Variants in EML1 observed in about 807,000 individuals in gnomAD.
EML1 encodes EMAP like 1, also known as echinoderm microtubule-associated protein-like 1.
Under a neutral mutation model 110.4 loss-of-function variants are expected in EML1, and 27 were observed. The observed-to-expected ratio is 0.24, with a 90% CI of 0.18 to 0.34. EML1 has a LOEUF of 0.34. EML1 is among the 10% of genes least tolerant of loss of function. EML1 has a pLI of 1.00. For synonymous variants in EML1, 344 were observed against 385.8 expected (o/e 0.89, Z 1.27); for missense variants, 741 against 1,030.9 (o/e 0.72, Z 3.85).
chr14:99,835,648 T>C (rs898203239), intron 1 of EML1, among the ~76,000 whole-genome samples: 1 of 152,254 alleles, frequency 6.6e-6, no homozygotes, highest in Admixed American at 6.5e-5. Context: ...AATTTTGATA[T>C]GCTGTGTTTT....
At chr14:99,801,960 T>G (rs1215627833) in intron 1 of EML1, among the ~76,000 whole-genome samples, 1 of 152,190 alleles carries the variant, frequency 6.6e-6, no homozygotes, top group East Asian at 1.9e-4. Flanking sequence ...GAGCTAAACA[T>G]CCAGTGTTAT....
chr14:99,916,152 C>G (rs1167649710), intron 15 of EML1, among the ~76,000 whole-genome samples: 2 of 152,256 alleles, frequency 1.3e-5, no homozygotes, highest in Admixed American at 6.5e-5. Flanking sequence ...GGTTGGAGCT[C>G]TAAGCTGGAA....
At chr14:99,741,562 C>A (rs2057042499) in intron 1 of EML1, among the ~76,000 whole-genome samples, 1 of 152,104 alleles carries the variant, frequency 6.6e-6, no homozygotes, top group South Asian at 2.1e-4. Flanking sequence ...AGTGGGGCCA[C>A]CCAACTGCTC....
intron 1 of EML1, among the ~76,000 whole-genome samples, chr14:99,739,878 C>T (rs1167935656): frequency 6.6e-6 from 1 of 152,076 alleles, no homozygotes; most frequent in South Asian, 2.1e-4. Flanking sequence ...CAAGCCGTGT[C>T]GGCAGTGGGA....
chr14:99,895,916 C>T (rs1303325672), intron 6 of EML1, among the ~76,000 whole-genome samples: 1 of 151,994 alleles, frequency 6.6e-6, no homozygotes, highest in East Asian at 1.9e-4. Flanking sequence ...ATCAAAAAGG[C>T]TCCCCAAAAA....
exon 1 of EML1, chr14:99,737,731 T>C (rs915068692): frequency 8.2e-7 from 1 of 1,217,632 alleles, no homozygotes; most frequent in Non-Finnish European, 1.1e-6. Context: ...TGCCTGGGGC[T>C]GGACGCGGAG....
intron 1 of EML1, among the ~76,000 whole-genome samples, chr14:99,802,806 A>G (rs1025710514): frequency 6.6e-6 from 1 of 152,086 alleles, no homozygotes; most frequent in Non-Finnish European, 1.5e-5. Context: ...CCAGATAGTA[A>G]TGGGATCCAT....
intron 1 of EML1, chr14:99,850,139 A>G (rs2058770577): frequency 7.5e-6 from 3 of 401,680 alleles, no homozygotes; most frequent in Non-Finnish European, 1.4e-5. Flanking sequence ...GAGTTTTGTC[A>G]TGTTGCCTAG....
chr14:99,848,155 G>A (rs779953273), intron 1 of EML1, among the ~76,000 whole-genome samples: 1 of 151,504 alleles, frequency 6.6e-6, no homozygotes, highest in Non-Finnish European at 1.5e-5. Context: ...TAAATTTTCT[G>A]TTGGCTTTTT....
rs1444125787 is a variant in EML1 at position 99,909,266 on chromosome 14, C to G, written c.1105-79C>G. The stretch of plus-strand genomic sequence containing the variant: ...TTGAATTTCTTATTTATTTGTGGCT[C>G]ACATTTTACTTGTTTTCCTACATGT... On this transcript the variant is annotated intron_variant, in intron 10 of 21. Transcript: ENST00000262233. 3.8e-6 allele frequency: 6 copies of G among 1,598,906 alleles called. No individual in the cohort carries two copies. The South Asian group carries it at 5.5e-5, about 15-fold the overall frequency.
At chr14:99,885,962 C>G in intron 4 of EML1, 1 of 446,118 alleles carries the variant, frequency 2.2e-6, no homozygotes, top group Admixed American at 2.5e-5. Context: ...GCTCCTTCCA[C>G]CATGTTAAGC....
intron 2 of EML1, among the ~76,000 whole-genome samples, chr14:99,863,774 A>G (rs1267025606): frequency 5.3e-5 from 8 of 152,246 alleles, no homozygotes; most frequent in Non-Finnish European, 1.2e-4. Flanking sequence ...GACGATTGTA[A>G]ATAAAGCAGC....
chr14:99,793,540 A>C lies in EML1; in HGVS notation c.64A>C (p.Asn22His). Residue 22 changes from asparagine to histidine, a missense_variant, in exon 1 of 22, where the codon AAC becomes CAC. Asn to His is a moderately conservative substitution (Grantham distance 68). This residue lies in a region of EML1 where 226 missense variants were observed against 255.6 expected (regional missense o/e 0.88). Coordinates refer to ENST00000262233, the MANE Select transcript of EML1 (RefSeq NM_004434.3). ...YDTSSLLQFC[N>H]DDSASAASSM... is the part of the protein sequence containing the mutation. The stretch of plus-strand genomic sequence containing the variant: ...CACGTCCTCGCTGCTCCAGTTCTGC[A>C]ACGGTGAGGGGCGGCCGCGCGGGGC... The C allele has an allele frequency of 9.7e-7, 1 of 1,031,684 alleles. No homozygotes were observed. Among genetic ancestry groups the C allele is most frequent in the Non-Finnish European group, 1.2e-6 (1 of 857,096 alleles). The allele number at this position is 1,031,684 out of a possible 1,614,324, so 63.9% of individuals were successfully genotyped here. A position where few individuals can be genotyped will look rare whatever the true frequency, so the allele number is the denominator to read the frequency against.
At chr14:99,750,428 G>T (rs551218648) in intron 1 of EML1, among the ~76,000 whole-genome samples, 3 of 152,340 alleles carry the variant, frequency 2.0e-5, no homozygotes, top group African/African-American at 7.2e-5. Flanking sequence ...ACAGTAGAAA[G>T]TCAGGGAGGG....
At chr14:99,801,885 G>T (rs955928151) in intron 1 of EML1, among the ~76,000 whole-genome samples, 1 of 152,198 alleles carries the variant, frequency 6.6e-6, no homozygotes, top group Non-Finnish European at 1.5e-5. Flanking sequence ...CACTGTTTTA[G>T]GGGTTCCAGC....
At chr14:99,819,350 T>C (rs1216070652) in intron 1 of EML1, among the ~76,000 whole-genome samples, 1 of 152,200 alleles carries the variant, frequency 6.6e-6, no homozygotes, top group African/African-American at 2.4e-5. Context: ...ACACAGACTT[T>C]AGGTCTGTAA....
chr14:99,771,705 G>A (rs1472300319), upstream of EML1, among the ~76,000 whole-genome samples: 1 of 152,166 alleles, frequency 6.6e-6, no homozygotes, highest in Non-Finnish European at 1.5e-5. Flanking sequence ...CCAGCTACCT[G>A]GGAGGCTGAG....
intron 1 of EML1, among the ~76,000 whole-genome samples, chr14:99,831,452 C>G (rs532114003): frequency 6.6e-6 from 1 of 152,176 alleles, no homozygotes; most frequent in Non-Finnish European, 1.5e-5. Context: ...TTGCTCCCAT[C>G]GGCAGCTGTG....
intron 1 of EML1, among the ~76,000 whole-genome samples, chr14:99,777,348 G>C (rs1297569151): frequency 3.3e-5 from 5 of 152,066 alleles, no homozygotes; most frequent in African/African-American, 1.2e-4. Context: ...CTACCTCCCG[G>C]AAGCAGTTAC....
Sources: gnomAD v4.1 joint callset for allele counts (sites outside exome capture counted in the v4.1 genomes callset) on GRCh38, gnomAD v4.1.1 for gene constraint, gnomAD v4.1.1 regional missense constraint, MANE v1.5 for transcripts, NCBI Gene and HGNC (gene_info 2026-07-23, HGNC 2026-07-21) for gene names.